NRXN3: variants seen among roughly 807,000 people sequenced by gnomAD.
The protein encoded by NRXN3 is neurexin III.
NRXN3 carries 32 observed loss-of-function variants against 137.6 expected under a neutral mutation model. The observed-to-expected ratio is 0.23, with a 90% CI of 0.18 to 0.31. The LOEUF is 0.31. NRXN3 is among the 10% of genes least tolerant of loss of function. The probability of loss-of-function intolerance (pLI) is 1.00; values close to 1 mark genes in which losing one functional copy is unlikely to be tolerated. For synonymous variants in NRXN3, 798 were observed against 784.5 expected (o/e 1.02, Z -0.29); for missense variants, 1,574 against 2,062.5 (o/e 0.76, Z 4.59).
At chr14:79,144,526 C>T (rs1301505225) in intron 15 of NRXN3, among the ~76,000 whole-genome samples, 1 of 152,146 alleles carries the variant, frequency 6.6e-6, no homozygotes, top group African/African-American at 2.4e-5. Flanking sequence ...CCATCATGCT[C>T]TGAACCATCA....
intron 15 of NRXN3, among the ~76,000 whole-genome samples, chr14:79,316,561 A>T (rs1598626638): frequency 6.6e-6 from 1 of 152,332 alleles, no homozygotes; most frequent in East Asian, 1.9e-4. Flanking sequence ...GACATTCATC[A>T]TCTATTTATG....
chr14:79,301,725 T>G (rs928538664), intron 15 of NRXN3, among the ~76,000 whole-genome samples: 9 of 151,612 alleles, frequency 5.9e-5, no homozygotes, highest in African/African-American at 1.9e-4. Context: ...TGTATGTATT[T>G]GTGGGGTGTG....
In NRXN3 at chr14:79,763,061, C is replaced by G. The variant is rs141312754; in HGVS notation, c.4015-42051C>G. 2.4e-4 allele frequency among the ~76,000 whole-genome samples: 36 copies of G among 151,192 alleles called. 3 individuals carry two copies. The highest frequency in any genetic ancestry group is 8.6e-4 in the African/African-American group (35 of 40,590). ...AGGCCCTGGTATGTGATGTTCCCCCCTCCCTGTGTCCATGCGTTCTCATTG... is the reference window on the plus strand; with the variant it reads ...AGGCCCTGGTATGTGATGTTCCCCCGTCCCTGTGTCCATGCGTTCTCATTG... On this transcript the variant is annotated intron_variant, in intron 19 of 20. Transcript: ENST00000335750.
At chr14:79,059,250 C>CTTTTTTTTTTTTTTTTTTTTGT (rs2099670794) in intron 15 of NRXN3, among the ~76,000 whole-genome samples, 1 of 78,320 alleles carries the variant, frequency 1.3e-5, no homozygotes, top group Non-Finnish European at 2.5e-5. Context: ...AGGCCCTATT[C>CTTTTTTTTTTTTTTTTTTTTGT]TTTTTTTTTT....
At chr14:78,869,265 A>T (rs2099095474) in intron 10 of NRXN3, among the ~76,000 whole-genome samples, 1 of 152,234 alleles carries the variant, frequency 6.6e-6, no homozygotes, top group Non-Finnish European at 1.5e-5. Flanking sequence ...TCTCTTCTTC[A>T]TGTCTTTCTC....
intron 8 of NRXN3, among the ~76,000 whole-genome samples, chr14:78,770,045 C>T (rs996964055): frequency 6.6e-6 from 1 of 151,818 alleles, no homozygotes; most frequent in Non-Finnish European, 1.5e-5. Context: ...TATGTGTGTG[C>T]GTGTTGCCAA....
chr14:79,451,725 C>T (rs1283855741), intron 15 of NRXN3, among the ~76,000 whole-genome samples: 1 of 152,196 alleles, frequency 6.6e-6, no homozygotes, highest in Non-Finnish European at 1.5e-5. Context: ...AAATGCCAGC[C>T]TTGGCCCTTT....
chr14:79,337,261 T>C (rs1353876513), intron 15 of NRXN3, among the ~76,000 whole-genome samples: 1 of 152,194 alleles, frequency 6.6e-6, no homozygotes, highest in African/African-American at 2.4e-5. Context: ...ATGTGTTGAA[T>C]GAAAGGAGTT....
intron 10 of NRXN3, among the ~76,000 whole-genome samples, chr14:78,866,510 C>G (rs1017020678): frequency 2.2e-4 from 33 of 152,126 alleles, no homozygotes; most frequent in Admixed American, 5.2e-4. Context: ...GATGAATGAA[C>G]ACAGTTTAGC....
intron 15 of NRXN3, among the ~76,000 whole-genome samples, chr14:79,334,637 G>A (rs1258898608): frequency 6.6e-6 from 1 of 152,144 alleles, no homozygotes; most frequent in African/African-American, 2.4e-5. Flanking sequence ...CATCTTGGCG[G>A]CTGGGTGCCA....
chr14:79,396,503 G>T (rs987837028), intron 15 of NRXN3, among the ~76,000 whole-genome samples: 45 of 152,158 alleles, frequency 3.0e-4, no homozygotes, highest in African/African-American at 1.1e-3. Flanking sequence ...AGCGGGTCCT[G>T]GTGCTGTTTT....
chr14:79,677,664 T>C (rs960447002), intron 17 of NRXN3, among the ~76,000 whole-genome samples: 2 of 152,136 alleles, frequency 1.3e-5, no homozygotes, highest in African/African-American at 2.4e-5. Context: ...CCTCAGAATT[T>C]TGAGCTACAA....
Position 79,708,692 on chromosome 14 carries a change from C to CTGAGGCTGT in NRXN3, c.4014+10757_4014+10765dup, listed in dbSNP as rs2098791090. Reference sequence around the variant, plus strand: ...AATGATTGTAAAAATTAGAAACACACTGAGGCTGTTATGACAGCCTTGCCT... The same window carrying CTGAGGCTGT: ...AATGATTGTAAAAATTAGAAACACACTGAGGCTGTTGAGGCTGTTATGACAGCCTTGCCT... On this transcript the variant is annotated intron_variant, in intron 19 of 20. Coordinates refer to ENST00000335750, the MANE Select transcript of NRXN3 (RefSeq NM_001330195.2). Among the ~76,000 whole-genome samples the CTGAGGCTGT allele has an allele frequency of 4.6e-5, 7 of 152,224 alleles. No homozygotes were observed. The South Asian group carries it at 1.5e-3, about 32-fold the overall frequency.
intron 15 of NRXN3, among the ~76,000 whole-genome samples, chr14:79,376,228 A>G (rs1453621446): frequency 2.2e-3 from 108 of 50,184 alleles, no homozygotes; most frequent in East Asian, 2.7e-3. Context: ...ATATATATAT[A>G]TATATATATA....
intron 16 of NRXN3, among the ~76,000 whole-genome samples, chr14:79,650,136 G>A (rs2153970538): frequency 6.6e-6 from 1 of 151,956 alleles, no homozygotes; most frequent in Admixed American, 6.5e-5. Flanking sequence ...TGCTTGATGT[G>A]TGGGGAAAAA....
chr14:79,343,585 A>T (rs74069736), intron 15 of NRXN3, among the ~76,000 whole-genome samples: 1 of 152,066 alleles, frequency 6.6e-6, no homozygotes, highest in Non-Finnish European at 1.5e-5. Context: ...CTGCCAGAAG[A>T]TGACCTACCA....
At chr14:79,608,231 C>A (rs1249571214) in intron 16 of NRXN3, among the ~76,000 whole-genome samples, 1 of 152,138 alleles carries the variant, frequency 6.6e-6, no homozygotes, top group African/African-American at 2.4e-5. Flanking sequence ...TATAATGATT[C>A]TGAAGCAAAT....
chr14:79,390,446 G>A (rs1310110937), intron 15 of NRXN3, among the ~76,000 whole-genome samples: 1 of 151,974 alleles, frequency 6.6e-6, no homozygotes, highest in South Asian at 2.1e-4. Flanking sequence ...CTGCTACAGT[G>A]TAAGTTGAAT....
At chr14:78,650,966 A>G (rs1349348149) in intron 5 of NRXN3, among the ~76,000 whole-genome samples, 199 bp from the exon 6 acceptor site, 2 of 152,198 alleles carry the variant, frequency 1.3e-5, no homozygotes, top group African/African-American at 4.8e-5. Context: ...TCTGCAGGGA[A>G]ATACTGAAGG....
Sources: allele counts gnomAD v4.1 joint callset (sites outside exome capture counted in the v4.1 genomes callset), GRCh38; gene constraint gnomAD v4.1.1; transcripts MANE v1.5; gene names NCBI Gene and HGNC (gene_info 2026-07-23, HGNC 2026-07-21).